The following LYSMD3 variants were observed in gnomAD, a reference collection of about 807,000 sequenced individuals.
LYSMD3 encodes the protein LysM domain containing 3, also known as lysM and putative peptidoglycan-binding domain-containing protein 3.
Under a neutral mutation model 26.1 loss-of-function variants are expected in LYSMD3, and 13 were observed. The observed-to-expected ratio is 0.50, with a 90% confidence interval of 0.32 to 0.79. The LOEUF (loss-of-function observed/expected upper bound fraction) is 0.79, where lower values mean the gene tolerates loss of function less well. Among genes scored for constraint, LYSMD3 ranks in the 30% least tolerant of loss-of-function variants. LYSMD3 has a pLI of 0.03. For synonymous variants in LYSMD3, 109 were observed against 119.4 expected, an observed-to-expected ratio of 0.91 and a Z score of 0.57; for missense variants, 331 against 362.5, an observed-to-expected ratio of 0.91 and a Z score of 0.71.
At position 90,517,693 on chromosome 5, in the gene LYSMD3, G is replaced by C. The variant is rs1478548338; in HGVS notation, c.*1126C>G. The C allele has an allele frequency of 6.6e-6, 1 of 152,036 alleles. No homozygotes were observed. The highest frequency in any genetic ancestry group is 1.5e-5 in the Non-Finnish European group (1 of 67,892). The allele number at this position is 152,036 out of a possible 1,614,324, so 9.4% of individuals were successfully genotyped here. A position where few individuals can be genotyped will look rare whatever the true frequency, so the allele number is the denominator to read the frequency against. Reference sequence around the variant, plus strand: ...GGATATTTTCTCTTTGAAAAACAGAGGTTAAGGGATTACTAAATAATTTGT... The same window carrying C: ...GGATATTTTCTCTTTGAAAAACAGACGTTAAGGGATTACTAAATAATTTGT... On this transcript the variant is annotated 3_prime_UTR_variant, in exon 3 of 3. Coordinates refer to ENST00000315948, the MANE Select transcript of LYSMD3 (RefSeq NM_198273.2).
At chr5:90,528,411 T>C (rs1753277677) in intron 1 of LYSMD3, among the ~76,000 whole-genome samples, 1 of 152,226 alleles carries the variant, frequency 6.6e-6, no homozygotes, top group African/African-American at 2.4e-5. Flanking sequence ...CACTAAGCAA[T>C]GCCCCAAAGC....
chr5:90,526,582 G>T (rs1467905542), intron 1 of LYSMD3, among the ~76,000 whole-genome samples: 4 of 152,304 alleles, frequency 2.6e-5, no homozygotes, highest in South Asian at 2.1e-4. Context: ...TTCAGTTCTT[G>T]TTGGGAAAGA....
chr5:90,526,587 G>A (rs1157133956), intron 1 of LYSMD3, among the ~76,000 whole-genome samples: 1 of 152,148 alleles, frequency 6.6e-6, no homozygotes, highest in East Asian at 1.9e-4. Flanking sequence ...TTCTTGTTGG[G>A]AAAGATGGAG....
At chr5:90,524,985 C>T (rs7722900) in intron 2 of LYSMD3, 50 bp downstream of exon 2, 201,303 of 1,407,582 alleles carry the variant, frequency 0.14, 16,597 homozygotes, top group East Asian at 0.34. Context: ...TTTCAGTGTG[C>T]GTAAACAAAT....
In LYSMD3 at chr5:90,529,463, G is replaced by C; in HGVS notation, c.-27C>G. 2.2e-6 allele frequency: 1 copy of C among 456,698 alleles called. No homozygotes were observed. Among genetic ancestry groups the C allele is most frequent in the Non-Finnish European group, 4.4e-6 (1 of 226,976 alleles). 28.3% of individuals were successfully genotyped at this position (456,698 alleles called of 1,614,324 possible). On this transcript the variant is annotated 5_prime_UTR_variant, in exon 1 of 3. Transcript: ENST00000315948. ...CCATCTTTACCTGTCCCCGTTAGCA[G>C]GGAGCACTCTGCGAGAAGATGGCCA...
chr5:90,517,896 A>T lies in LYSMD3; in HGVS notation c.*923T>A, dbSNP rs530754655. The T allele has an allele frequency of 6.6e-6, 1 of 152,592 alleles. No individual in the cohort carries two copies. Among genetic ancestry groups the T allele is most frequent in the Non-Finnish European group, 1.5e-5 (1 of 67,910 alleles). The allele number at this position is 152,592 out of a possible 1,614,324, so 9.5% of individuals were successfully genotyped here. On this transcript the variant is annotated 3_prime_UTR_variant, in exon 3 of 3. Coordinates refer to ENST00000315948, the MANE Select transcript of LYSMD3 (RefSeq NM_198273.2). ...CCATATGAAATAATGCTTATTTTTA[A>T]TTCTGAAACTTGGATTTACTTACAT... is the stretch of plus-strand genomic sequence containing the variant.
chr5:90,521,902 A>AT (rs1396324255), intron 2 of LYSMD3, among the ~76,000 whole-genome samples: 1 of 152,098 alleles, frequency 6.6e-6, no homozygotes, highest in Non-Finnish European at 1.5e-5. Context: ...TACTTACTGT[A>AT]TTTTTTAAAT....
rs1580231753 is a variant in LYSMD3, at chr5:90,520,939, A to T, written c.256-1455T>A. 2.0e-5 allele frequency among the ~76,000 whole-genome samples: 3 copies of T among 152,188 alleles called. No homozygotes were observed. The South Asian group carries it at 6.2e-4, about 32-fold the overall frequency. ...ATCTCAAAAAAAAAAAAAGTAATTG[A>T]AGTCAAAGAGGTCAAAGAGTAGAGA... On this transcript the variant is annotated intron_variant, in intron 2 of 2. Coordinates refer to ENST00000315948, the MANE Select transcript of LYSMD3 (RefSeq NM_198273.2).
rs778653505 is a variant in LYSMD3 at position 90,525,134 on chromosome 5, T to C, written c.156A>G (p.Arg52=). The C allele has an allele frequency of 1.4e-5, 23 of 1,614,178 alleles. No individual in the cohort carries two copies. Among genetic ancestry groups the C allele is most frequent in the Non-Finnish European group, 1.7e-5 (20 of 1,179,998 alleles). The change falls in exon 2 of 3, where the codon AGA becomes AGG. Residue 52 remains arginine, a synonymous_variant. Transcript: ENST00000315948. ...LRSRGKEKVR[R]STSRDRLDDI... Reference sequence around the variant, plus strand: ...CGTCAAGTCTATCTCTTGATGTACTTCTTCGGACTTTCTCTTTTCCTCTGG... The same window carrying C: ...CGTCAAGTCTATCTCTTGATGTACTCCTTCGGACTTTCTCTTTTCCTCTGG...
At chr5:90,529,110 A>G (rs1753296205) in intron 1 of LYSMD3, among the ~76,000 whole-genome samples, 1 of 152,222 alleles carries the variant, frequency 6.6e-6, no homozygotes, top group African/African-American at 2.4e-5. Context: ...ATGACACTTG[A>G]ACGATGTGAC....
intron 1 of LYSMD3, 154 bp downstream of exon 1, chr5:90,529,294 C>T (rs1369554138): frequency 1.2e-5 from 5 of 408,852 alleles, no homozygotes; most frequent in Non-Finnish European, 2.4e-5. Flanking sequence ...AAGTTCTTCC[C>T]TGTCTCGGGG....
At chr5:90,524,942 G>C in intron 2 of LYSMD3, 93 bp downstream of exon 2, 2 of 1,176,240 alleles carry the variant, frequency 1.7e-6, no homozygotes, top group Non-Finnish European at 2.4e-6. Context: ...ATGGAGAAAG[G>C]AATAAACAAG....
intron 1 of LYSMD3, 130 bp downstream of exon 1, chr5:90,529,318 G>C (rs941537258): frequency 4.6e-6 from 2 of 435,878 alleles, no homozygotes; most frequent in African/African-American, 4.1e-5. Context: ...TCCGCCACAC[G>C]GGCCGAGCCC....
Position 90,518,932 on chromosome 5 carries a change from TCTG to T in LYSMD3, c.805_807del (p.Gln269del). On this transcript the variant is annotated inframe_deletion, in exon 3 of 3. Transcript: ENST00000315948. ...GGCACAATTCCATTTTCCATTTCTC[TCTG>T]CTGTGATGGGGGTGTGATTTTTGAA... is the stretch of plus-strand genomic sequence containing the variant. 6.2e-7 allele frequency: 1 copy of T among 1,614,100 alleles called. No homozygotes were observed. Among genetic ancestry groups the T allele is most frequent in the Non-Finnish European group, 8.5e-7 (1 of 1,179,982 alleles).
At chr5:90,525,362 A>G in intron 1 of LYSMD3, 62 bp from the exon 2 acceptor site, 2 of 1,429,012 alleles carry the variant, frequency 1.4e-6, no homozygotes, top group East Asian at 4.6e-5. Flanking sequence ...ACTGATTTGC[A>G]TGCATCGTAC....
rs1752977903 is a variant in LYSMD3, at chr5:90,517,507, ATGGAATCAGTATGCAAATGCTTC to A, written c.*1289_*1311del. On this transcript the variant is annotated 3_prime_UTR_variant, in exon 3 of 3. Transcript: ENST00000315948. ...AACACATACTTTTAAAGATTAAATGATGGAATCAGTATGCAAATGCTTCTTACTTAGCCAGACTGTAGCCGACT... is the reference window on the plus strand; with the variant it reads ...AACACATACTTTTAAAGATTAAATGATTACTTAGCCAGACTGTAGCCGACT... 1.3e-5 allele frequency: 2 copies of A among 152,060 alleles called. No homozygotes were observed. The highest frequency in any genetic ancestry group is 4.8e-5 in the African/African-American group (2 of 41,420). 9.4% of individuals were successfully genotyped at this position (152,060 alleles called of 1,614,324 possible).
chr5:90,524,379 A>G (rs757423476), intron 2 of LYSMD3, among the ~76,000 whole-genome samples: 5 of 152,226 alleles, frequency 3.3e-5, no homozygotes, highest in Non-Finnish European at 5.9e-5. Flanking sequence ...AAGCATTCCT[A>G]CATGCCAAAG....
intron 2 of LYSMD3, among the ~76,000 whole-genome samples, chr5:90,520,130 C>T (rs1753053017): frequency 6.6e-6 from 1 of 152,110 alleles, no homozygotes; most frequent in Admixed American, 6.6e-5. Context: ...ATGCATTATT[C>T]AACTACTTTC....
At chr5:90,526,927 T>C (rs573131824) in intron 1 of LYSMD3, 2 of 151,762 alleles carry the variant, frequency 1.3e-5, no homozygotes, top group East Asian at 3.9e-4. Flanking sequence ...ACCTAGAGAG[T>C]ATAGAAAAAG....
Sources: gnomAD v4.1 joint callset for allele counts (sites outside exome capture counted in the v4.1 genomes callset) on GRCh38, gnomAD v4.1.1 for gene constraint, MANE v1.5 for transcripts, NCBI Gene and HGNC (gene_info 2026-07-23, HGNC 2026-07-21) for gene names.